SGCD: variants seen among roughly 807,000 people sequenced by gnomAD.
The protein encoded by SGCD is sarcoglycan delta, also known as delta-sarcoglycan.
Under a neutral mutation model 36.6 loss-of-function variants are expected in SGCD, and 18 were observed. That is an observed-to-expected ratio of 0.49 (90% CI 0.34 to 0.73). SGCD has a LOEUF of 0.73. Among genes scored for constraint, SGCD ranks in the 30% least tolerant of loss-of-function variants. SGCD has a pLI of 0.01. For missense variants in SGCD, 387 were observed against 346.7 expected, an observed-to-expected ratio of 1.12 and a Z score of -0.92; for synonymous variants, 133 against 130.6, an observed-to-expected ratio of 1.02 and a Z score of -0.12.
chr5:155,880,854 G>C (rs1025506277), intron 1 of SGCD, among the ~76,000 whole-genome samples: 1 of 151,922 alleles, frequency 6.6e-6, no homozygotes, highest in African/African-American at 2.4e-5. Flanking sequence ...GGTTAATATC[G>C]TCTGAACCAG....
chr5:155,904,923 T>C (rs1331687265), intron 1 of SGCD, among the ~76,000 whole-genome samples: 1 of 152,196 alleles, frequency 6.6e-6, no homozygotes, highest in East Asian at 1.9e-4. Flanking sequence ...ACCTTGAGCA[T>C]GACAATCTCC....
intron 3 of SGCD, among the ~76,000 whole-genome samples, chr5:156,403,949 T>C (rs1410997259): frequency 2.0e-5 from 3 of 152,016 alleles, no homozygotes; most frequent in Non-Finnish European, 2.9e-5. Context: ...TTCTCTTGCC[T>C]CAGCTCCTCG....
In SGCD at chr5:156,594,938, A is replaced by G. The variant is rs1444996617; in HGVS notation, c.389A>G (p.Lys130Arg). The change falls in exon 6 of 9, where the codon AAA (lysine) becomes AGA (arginine). Residue 130 changes from lysine (K) to arginine (R), a missense_variant. By Grantham distance (26) the Lys-to-Arg change is conservative. Transcript: ENST00000337851. ...KVLTQLITGP[K>R]AVEAYGKKFE... ...ATCTCTCTATATCTCTCAGGTCCAAAAGCCGTAGAAGCTTATGGTAAAAAA... is the reference window on the plus strand; with the variant it reads ...ATCTCTCTATATCTCTCAGGTCCAAGAGCCGTAGAAGCTTATGGTAAAAAA... 6.2e-7 allele frequency: 1 copy of G among 1,603,672 alleles called. No homozygotes were observed. The highest frequency in any genetic ancestry group is 1.1e-5 in the South Asian group (1 of 89,896).
At chr5:156,573,058 G>A (rs1427008900) in intron 4 of SGCD, among the ~76,000 whole-genome samples, 1 of 151,860 alleles carries the variant, frequency 6.6e-6, no homozygotes, top group East Asian at 1.9e-4. Flanking sequence ...GAATATTTTT[G>A]TATTTTATAT....
At chr5:156,752,389 ATTCT>A (rs1206405488) in intron 7 of SGCD, among the ~76,000 whole-genome samples, 2 of 152,036 alleles carry the variant, frequency 1.3e-5, no homozygotes, top group East Asian at 3.9e-4. Context: ...AACCATTGTC[ATTCT>A]TTCTTTTTTT....
At chr5:156,552,097 C>A (rs1297027287) in intron 4 of SGCD, among the ~76,000 whole-genome samples, 3 of 152,276 alleles carry the variant, frequency 2.0e-5, no homozygotes, top group East Asian at 3.9e-4. Flanking sequence ...CAGGTCTTCC[C>A]CTCTAAGGAT....
At chr5:155,932,341 C>G (rs1272417048) in intron 1 of SGCD, among the ~76,000 whole-genome samples, 4 of 152,166 alleles carry the variant, frequency 2.6e-5, no homozygotes, top group African/African-American at 7.2e-5. Flanking sequence ...TTTTCTTGAG[C>G]TTGGATACAC....
At chr5:155,834,743 A>T in the SGCD span, among the ~76,000 whole-genome samples, 1 of 151,964 alleles carries the variant, frequency 6.6e-6, no homozygotes, top group Non-Finnish European at 1.5e-5. Context: ...TCCTACACCA[A>T]CTTTGTGGTG....
the SGCD span, among the ~76,000 whole-genome samples, chr5:155,821,602 T>A: frequency 2.0e-5 from 3 of 152,212 alleles, no homozygotes; most frequent in East Asian, 5.8e-4. Context: ...TGTGAGCTAC[T>A]GTGCCTGGCC....
intron 3 of SGCD, among the ~76,000 whole-genome samples, chr5:156,430,859 T>C (rs1254495813): frequency 3.9e-5 from 6 of 152,178 alleles, no homozygotes. Context: ...TCTTTGGGGA[T>C]GAAATGGCAG....
intron 1 of SGCD, among the ~76,000 whole-genome samples, chr5:155,945,610 T>C (rs1757422438): frequency 6.6e-6 from 1 of 152,202 alleles, no homozygotes; most frequent in Non-Finnish European, 1.5e-5. Flanking sequence ...TTAAGTCTTC[T>C]GCTGAGCCAG....
chr5:156,402,660 G>A (rs1286495239), intron 3 of SGCD, among the ~76,000 whole-genome samples: 1 of 152,202 alleles, frequency 6.6e-6, no homozygotes, highest in African/African-American at 2.4e-5. Flanking sequence ...TGCATGTCTT[G>A]TTAACATCTT....
intron 4 of SGCD, among the ~76,000 whole-genome samples, chr5:156,511,771 T>A (rs1459937006): frequency 6.6e-6 from 1 of 152,224 alleles, no homozygotes; most frequent in East Asian, 1.9e-4. Context: ...TTCCCCACTG[T>A]ATTCCTCAGA....
intron 1 of SGCD, among the ~76,000 whole-genome samples, chr5:156,042,926 C>T (rs1407502728): frequency 6.6e-6 from 1 of 152,146 alleles, no homozygotes; most frequent in African/African-American, 2.4e-5. Context: ...ATTAGCTCAG[C>T]CTCCTCACCT....
intron 1 of SGCD, among the ~76,000 whole-genome samples, chr5:156,106,611 T>C (rs1471909263): frequency 6.6e-6 from 1 of 152,194 alleles, no homozygotes. Flanking sequence ...GAAATACTGA[T>C]ATGTAATTAA....
chr5:156,122,656 G>T (rs929522631), intron 2 of SGCD, among the ~76,000 whole-genome samples: 5 of 151,586 alleles, frequency 3.3e-5, no homozygotes, highest in African/African-American at 9.7e-5. Flanking sequence ...ATATCAAGCA[G>T]GATCTTTATG....
intron 3 of SGCD, among the ~76,000 whole-genome samples, chr5:156,317,993 G>C (rs1012887613): frequency 2.8e-4 from 43 of 152,062 alleles, no homozygotes; most frequent in African/African-American, 1.0e-3. Flanking sequence ...AGATATTATA[G>C]TAGTTATTTA....
At chr5:156,697,830 C>T (rs78545271) in intron 7 of SGCD, among the ~76,000 whole-genome samples, 18 of 152,092 alleles carry the variant, frequency 1.2e-4, no homozygotes, top group East Asian at 9.7e-4. Context: ...GACAGACTGA[C>T]GGATACATGC....
At chr5:156,373,938 C>A (rs1770523456) in intron 3 of SGCD, among the ~76,000 whole-genome samples, 1 of 152,088 alleles carries the variant, frequency 6.6e-6, no homozygotes, top group Non-Finnish European at 1.5e-5. Flanking sequence ...GAAATAGAAA[C>A]AAAGACCTTA....
Sources: allele counts gnomAD v4.1 joint callset (sites outside exome capture counted in the v4.1 genomes callset), GRCh38; gene constraint gnomAD v4.1.1; transcripts MANE v1.5; gene names NCBI Gene and HGNC (gene_info 2026-07-23, HGNC 2026-07-21).